The following AP4E1 variants were observed in gnomAD, a reference collection of about 807,000 sequenced individuals.
AP4E1 encodes the protein adaptor related protein complex 4 subunit epsilon 1, also known as AP-4 complex subunit epsilon-1.
AP4E1 carries 56 observed loss-of-function variants against 128.2 expected under a neutral mutation model. The observed-to-expected ratio is 0.44, with a 90% CI of 0.35 to 0.55. The LOEUF (loss-of-function observed/expected upper bound fraction) is 0.55, where lower values mean the gene tolerates loss of function less well. Ranked by LOEUF, AP4E1 falls within the 20% of genes least tolerant of loss-of-function variation. The pLI is 0.00. For missense variants in AP4E1, 1,324 were observed against 1,307.7 expected, an observed-to-expected ratio of 1.01 and a Z score of -0.19; for synonymous variants, 484 against 473.1, an observed-to-expected ratio of 1.02 and a Z score of -0.30.
intron 8 of AP4E1, among the ~76,000 whole-genome samples, chr15:50,937,860 C>A (rs1362378699): frequency 6.6e-6 from 1 of 151,994 alleles, no homozygotes; most frequent in Non-Finnish European, 1.5e-5. Flanking sequence ...TTGTGGAGGA[C>A]CTGTCACAAC....
chr15:51,001,646 CATA>C (rs1271361026), intron 20 of AP4E1, among the ~76,000 whole-genome samples: 1 of 152,150 alleles, frequency 6.6e-6, no homozygotes, highest in African/African-American at 2.4e-5. Flanking sequence ...TTTCACTGAG[CATA>C]ATATCTTCAA....
intron 6 of AP4E1, among the ~76,000 whole-genome samples, chr15:50,929,704 G>A (rs2063808819): frequency 6.6e-6 from 1 of 152,098 alleles, no homozygotes; most frequent in South Asian, 2.1e-4. Context: ...ATTTGTAACA[G>A]ATTTCATGGC....
chr15:50,913,693 G>T (rs1236675225), intron 2 of AP4E1, among the ~76,000 whole-genome samples: 1 of 152,146 alleles, frequency 6.6e-6, no homozygotes, highest in African/African-American at 2.4e-5. Flanking sequence ...ACAAATCTAG[G>T]GTTGAAACTT....
chr15:50,941,710 G>T lies in AP4E1; in HGVS notation c.1111G>T (p.Ala371Ser). The T allele has an allele frequency of 6.2e-7, 1 of 1,613,566 alleles. No homozygotes were observed. Among genetic ancestry groups the T allele is most frequent in the Middle Eastern group, 1.7e-4 (1 of 6,058 alleles). The change falls in exon 10 of 21, where the codon GCT (alanine) becomes TCT (serine). Residue 371 changes from alanine (A) to serine (S), a missense_variant. Ala to Ser is a moderately conservative substitution (Grantham distance 99, BLOSUM62 1). Transcript: ENST00000261842. ...TGTTATCCAACAGGATCCTACTCTG[G>T]CTCTTCAACACCAGATGACAATAAT... is the stretch of plus-strand genomic sequence containing the variant. ...TYVIQQDPTL[A>S]LQHQMTIIEC...
chr15:50,951,445 T>C (rs942293622), intron 13 of AP4E1, among the ~76,000 whole-genome samples: 2 of 152,074 alleles, frequency 1.3e-5, no homozygotes, highest in Admixed American at 1.3e-4. Context: ...AAGACAGAGG[T>C]CACAATTTTG....
intron 3 of AP4E1, among the ~76,000 whole-genome samples, chr15:50,917,139 C>G (rs1400339899): frequency 6.6e-6 from 1 of 151,944 alleles, no homozygotes; most frequent in Non-Finnish European, 1.5e-5. Flanking sequence ...TTTTTCTCTT[C>G]TTTGGTTTGG....
At chr15:50,958,900 C>A in intron 14 of AP4E1, 106 bp downstream of exon 14, 1 of 1,217,452 alleles carries the variant, frequency 8.2e-7, no homozygotes, top group Non-Finnish European at 1.2e-6. Flanking sequence ...GTTTCTGTAG[C>A]ATTTAAGGTG....
At chr15:50,915,132 G>A (rs1220295680) in intron 2 of AP4E1, among the ~76,000 whole-genome samples, 1 of 152,126 alleles carries the variant, frequency 6.6e-6, no homozygotes, top group Non-Finnish European at 1.5e-5. Context: ...ATGAAATCTT[G>A]TGTGAAGACC....
At chr15:50,915,743 T>A in intron 3 of AP4E1, 172 bp downstream of exon 3, 1 of 769,512 alleles carries the variant, frequency 1.3e-6, no homozygotes, top group Non-Finnish European at 2.0e-6. Flanking sequence ...AGGAAATCAG[T>A]TTTCCTGATG....
chr15:50,967,404 A>T (rs1367804991), intron 14 of AP4E1, among the ~76,000 whole-genome samples: 1 of 152,242 alleles, frequency 6.6e-6, no homozygotes, highest in African/African-American at 2.4e-5. Flanking sequence ...AGGCGAAGTA[A>T]CAACAAAAGC....
chr15:50,984,168 T>C (rs1288094710), intron 16 of AP4E1, 23 bp downstream of exon 16: 2 of 1,612,182 alleles, frequency 1.2e-6, no homozygotes, highest in East Asian at 4.5e-5. Context: ...CTTATTAAAA[T>C]TGAGGTTATG....
intron 13 of AP4E1, among the ~76,000 whole-genome samples, chr15:50,957,681 T>C (rs1408173008): frequency 7.0e-6 from 1 of 142,838 alleles, no homozygotes; most frequent in Admixed American, 6.9e-5. Flanking sequence ...CTTTTTTTTT[T>C]TTTTTTTTTT....
At position 50,993,929 on chromosome 15, in the gene AP4E1, C is replaced by T. The variant is rs17646917; in HGVS notation, c.2346+304C>T. On this transcript the variant is annotated intron_variant, in intron 17 of 20. Transcript: ENST00000261842. ...AGCCACTCTCACCCCTGTGGGTGGA[C>T]GGGGCAGTTCTCAAAGGGAAGGGGG... 0.21 allele frequency among the ~76,000 whole-genome samples: 31,653 copies of T among 152,094 alleles called. 3,867 individuals are homozygous for T. Among genetic ancestry groups the T allele is most frequent in the East Asian group, 0.45 (2,313 of 5,158 alleles).
In AP4E1 at chr15:50,916,861, C is replaced by G. The variant is rs8037730; in HGVS notation, c.346+1290C>G. ...TTGTTATCTTTTCATATATTAATGT[C>G]TTAGCTCCTGAACTAATTTTAAGAT... On this transcript the variant is annotated intron_variant, in intron 3 of 20. Coordinates refer to ENST00000261842, the MANE Select transcript of AP4E1 (RefSeq NM_007347.5). 3.9e-5 allele frequency among the ~76,000 whole-genome samples: 6 copies of G among 152,202 alleles called. No individual in the cohort carries two copies. In the East Asian group the frequency reaches 1.2e-3, roughly 29 times the overall value.
rs3743045 is a variant in AP4E1, at chr15:51,002,798, G to A, written c.*136G>A. On this transcript the variant is annotated 3_prime_UTR_variant, in exon 21 of 21. Coordinates refer to ENST00000261842, the MANE Select transcript of AP4E1 (RefSeq NM_007347.5). ...CAAGTGTGGTTTATATGTTTTCTTTGTGATTCCTGGTCAAGAAAGATCCCC... is the reference window on the plus strand; with the variant it reads ...CAAGTGTGGTTTATATGTTTTCTTTATGATTCCTGGTCAAGAAAGATCCCC... 672,775 of 1,136,240 alleles carry A rather than the reference G, an allele frequency of 0.59. 200,987 individuals carry two copies. The highest frequency in any genetic ancestry group is 0.62 in the Non-Finnish European group (488,882 of 789,562). 70.4% of individuals were successfully genotyped at this position (1,136,240 alleles called of 1,614,324 possible).
In AP4E1 at chr15:50,958,733, A is replaced by G. The variant is rs776283292; in HGVS notation, c.1790A>G (p.His597Arg). The change falls in exon 14 of 21, where the codon CAT becomes CGT. Residue 597 changes from histidine (H) to arginine (R), a missense_variant. Transcript: ENST00000261842. Reference sequence around the variant, plus strand: ...CATGCATTTGAATTAAAACATTTGCATGAGAATGTGGAACTTATGAAGAGC... The same window carrying G: ...CATGCATTTGAATTAAAACATTTGCGTGAGAATGTGGAACTTATGAAGAGC... ...RQHAFELKHL[H>R]ENVELMKSLL... The G allele has an allele frequency of 2.7e-5, 43 of 1,614,074 alleles. No homozygotes were observed. Among genetic ancestry groups the G allele is most frequent in the Middle Eastern group, 3.3e-4 (2 of 6,084 alleles).
intron 15 of AP4E1, among the ~76,000 whole-genome samples, chr15:50,976,808 A>G (rs1425085101): frequency 6.6e-6 from 1 of 152,198 alleles, no homozygotes; most frequent in Non-Finnish European, 1.5e-5. Flanking sequence ...CTAATAATAA[A>G]CTGAAGCAAG....
chr15:50,968,324 C>T lies in AP4E1; in HGVS notation c.1913C>T (p.Ala638Val), dbSNP rs773967625. The T allele has an allele frequency of 8.7e-6, 14 of 1,613,454 alleles. No homozygotes were observed. The highest frequency in any genetic ancestry group is 2.2e-5 in the East Asian group (1 of 44,834). Residue 638 changes from alanine (A) to valine (V), a missense_variant, in exon 15 of 21, where the codon GCG becomes GTG. Transcript: ENST00000261842. The part of the protein sequence containing the change: ...FVAEGLSQGA[A>V]PYKPPHQRQE... ...GCTGAAGGACTCAGTCAGGGTGCAG[C>T]GCCTTACAAACCTCCCCATCAACGC...
At chr15:50,997,234 T>C (rs999740595) in intron 17 of AP4E1, 92 bp from the exon 18 acceptor site, 20 of 1,142,654 alleles carry the variant, frequency 1.8e-5, no homozygotes, top group Admixed American at 3.0e-5. Flanking sequence ...TAGCAAATTG[T>C]TATATTGCTG....
Sources: allele counts gnomAD v4.1 joint callset (sites outside exome capture counted in the v4.1 genomes callset), GRCh38; gene constraint gnomAD v4.1.1; transcripts MANE v1.5; gene names NCBI Gene and HGNC (gene_info 2026-07-23, HGNC 2026-07-21).